CACNA2D3: variants seen among roughly 807,000 people sequenced by gnomAD.
The protein encoded by CACNA2D3 is voltage-dependent calcium channel subunit alpha-2/delta-3.
Under a neutral mutation model 160.6 loss-of-function variants are expected in CACNA2D3, and 60 were observed. That is an observed-to-expected ratio of 0.37 (90% CI 0.30 to 0.46). The LOEUF is 0.46. Among genes scored for constraint, CACNA2D3 ranks in the 20% least tolerant of loss-of-function variants. CACNA2D3 has a pLI of 1.00. For missense variants in CACNA2D3, 1,205 were observed against 1,365.0 expected, an observed-to-expected ratio of 0.88 and a Z score of 1.85; for synonymous variants, 558 against 492.9, an observed-to-expected ratio of 1.13 and a Z score of -1.75.
At chr3:54,586,125 G>A (rs1175641569) in intron 9 of CACNA2D3, among the ~76,000 whole-genome samples, 5 of 151,896 alleles carry the variant, frequency 3.3e-5, no homozygotes, top group East Asian at 1.9e-4. Context: ...TTAGCTGGGC[G>A]TGGTGGCACA....
intron 5 of CACNA2D3, among the ~76,000 whole-genome samples, chr3:54,544,263 G>A (rs1226087139): frequency 6.6e-6 from 1 of 152,124 alleles, no homozygotes; most frequent in East Asian, 1.9e-4. Flanking sequence ...CAAGTGACAT[G>A]TTTGCTCTTA....
chr3:55,007,438 A>G (rs1333146148), intron 32 of CACNA2D3, among the ~76,000 whole-genome samples: 1 of 152,208 alleles, frequency 6.6e-6, no homozygotes, highest in African/African-American at 2.4e-5. Flanking sequence ...GAAATTAGTT[A>G]TATGATTCCA....
At chr3:54,794,264 T>G (rs1414272047) in intron 13 of CACNA2D3, among the ~76,000 whole-genome samples, 1 of 152,184 alleles carries the variant, frequency 6.6e-6, no homozygotes, top group Non-Finnish European at 1.5e-5. Context: ...TTGTTAATTA[T>G]TTGTGCCTTT....
chr3:54,326,401 A>T (rs943413102), intron 3 of CACNA2D3, among the ~76,000 whole-genome samples: 1 of 152,202 alleles, frequency 6.6e-6, no homozygotes, highest in Non-Finnish European at 1.5e-5. Context: ...GGGAATATAT[A>T]CAGTGAGGCA....
intron 5 of CACNA2D3, among the ~76,000 whole-genome samples, chr3:54,521,289 G>C (rs1052060606): frequency 2.0e-5 from 3 of 152,168 alleles, no homozygotes; most frequent in Non-Finnish European, 4.4e-5. Context: ...GTATTTCTGT[G>C]ATGACTAATG....
chr3:54,867,533 A>AAAG (rs1368056958), intron 17 of CACNA2D3, among the ~76,000 whole-genome samples: 4 of 151,828 alleles, frequency 2.6e-5, no homozygotes, highest in East Asian at 1.9e-4. Context: ...AGCTTTAAAA[A>AAAG]AAAAAAAAAG....
At position 54,939,847 on chromosome 3, in the gene CACNA2D3, A is replaced by G. The variant is rs1235448775; in HGVS notation, c.2450-28603A>G. ...CCCACATGATTGTTTGGACAACCAC[A>G]TGAACAAAAGCCGCTGGCCATGCTT... On this transcript the variant is annotated intron_variant, in intron 27 of 37. Transcript: ENST00000474759. 2.0e-5 allele frequency among the ~76,000 whole-genome samples: 3 copies of G among 152,206 alleles called. No homozygotes were observed. The South Asian group carries it at 6.2e-4, about 32-fold the overall frequency.
intron 2 of CACNA2D3, among the ~76,000 whole-genome samples, chr3:54,248,753 C>T (rs1044104232): frequency 7.2e-5 from 11 of 152,140 alleles, no homozygotes; most frequent in African/African-American, 2.7e-4. Flanking sequence ...GTCTGTGGTA[C>T]TTTGTTATGG....
intron 27 of CACNA2D3, among the ~76,000 whole-genome samples, chr3:54,939,551 T>G (rs929167270): frequency 9.8e-5 from 15 of 152,324 alleles, no homozygotes; most frequent in African/African-American, 3.6e-4. Context: ...CTGTCTGCTG[T>G]GGCCAGGGAT....
chr3:54,545,833 A>C (rs1319433344), intron 5 of CACNA2D3, among the ~76,000 whole-genome samples: 2 of 152,116 alleles, frequency 1.3e-5, no homozygotes. Context: ...TGGTGACCTT[A>C]TCTTCTTCTT....
intron 27 of CACNA2D3, among the ~76,000 whole-genome samples, chr3:54,940,048 T>A (rs1046036374): frequency 3.9e-5 from 6 of 152,056 alleles, no homozygotes; most frequent in African/African-American, 1.4e-4. Context: ...ATGGAGAAGG[T>A]GGAGCTGACC....
At chr3:55,026,214 AGATG>A (rs371577266) in intron 35 of CACNA2D3, among the ~76,000 whole-genome samples, 54 of 152,292 alleles carry the variant, frequency 3.5e-4, no homozygotes, top group African/African-American at 1.3e-3. Context: ...CTAACTTGTG[AGATG>A]GCAATTTGGC....
At chr3:54,573,958 A>G (rs150650225) in intron 8 of CACNA2D3, among the ~76,000 whole-genome samples, 4 of 152,258 alleles carry the variant, frequency 2.6e-5, no homozygotes, top group Non-Finnish European at 4.4e-5. Context: ...TAAAATGGTC[A>G]CTTGTCTCCT....
intron 27 of CACNA2D3, among the ~76,000 whole-genome samples, chr3:54,914,122 C>T (rs1450950187): frequency 6.6e-6 from 1 of 152,156 alleles, no homozygotes; most frequent in Non-Finnish European, 1.5e-5. Context: ...TATAAGTCTG[C>T]AGTTAATTCT....
intron 3 of CACNA2D3, among the ~76,000 whole-genome samples, chr3:54,374,488 A>G (rs1434194248): frequency 6.6e-6 from 1 of 152,218 alleles, no homozygotes; most frequent in South Asian, 2.1e-4. Context: ...GCATTCTCCA[A>G]CACACACTCT....
intron 4 of CACNA2D3, among the ~76,000 whole-genome samples, chr3:54,497,471 T>G (rs1355662264): frequency 1.3e-5 from 2 of 152,110 alleles, no homozygotes; most frequent in African/African-American, 4.8e-5. Context: ...TATTTTGTAT[T>G]CTGTGATCTT....
At chr3:54,238,321 C>T (rs181926101) in intron 2 of CACNA2D3, among the ~76,000 whole-genome samples, 7 of 152,286 alleles carry the variant, frequency 4.6e-5, no homozygotes, top group Non-Finnish European at 1.0e-4. Flanking sequence ...TTGTCAATCA[C>T]CTGTGCATAT....
intron 11 of CACNA2D3, among the ~76,000 whole-genome samples, chr3:54,742,210 G>A (rs1170578212): frequency 1.3e-5 from 2 of 151,932 alleles, no homozygotes; most frequent in East Asian, 3.9e-4. Context: ...CATGAGCCCA[G>A]GAGTTCAAGA....
At chr3:55,035,606 C>T (rs993791072) in intron 35 of CACNA2D3, among the ~76,000 whole-genome samples, 6 of 152,158 alleles carry the variant, frequency 3.9e-5, no homozygotes, top group Non-Finnish European at 8.8e-5. Flanking sequence ...TGATTCTAAC[C>T]ATTTCCTCAC....
Sources: allele counts gnomAD v4.1 joint callset (sites outside exome capture counted in the v4.1 genomes callset), GRCh38; gene constraint gnomAD v4.1.1; transcripts MANE v1.5; gene names NCBI Gene and HGNC (gene_info 2026-07-23, HGNC 2026-07-21).